Variants in F13A1 observed in about 807,000 individuals in gnomAD.
F13A1 encodes coagulation factor XIII A chain, also known as FSF, A subunit.
F13A1 carries 47 observed loss-of-function variants against 80.1 expected under a neutral mutation model. The observed-to-expected ratio is 0.59, with a 90% CI of 0.46 to 0.75. The LOEUF (loss-of-function observed/expected upper bound fraction) is 0.75, where lower values mean the gene tolerates loss of function less well. Among genes scored for constraint, F13A1 ranks in the 30% least tolerant of loss-of-function variants. F13A1 has a pLI of 0.00. For missense variants in F13A1, 817 were observed against 930.4 expected (o/e 0.88, Z 1.59); for synonymous variants, 349 against 344.9 (o/e 1.01, Z -0.13).
chr6:6,312,507 T>TA (rs533732244), intron 2 of F13A1, among the ~76,000 whole-genome samples: 3,818 of 43,130 alleles, frequency 0.089, 1,409 homozygotes, highest in South Asian at 0.2. Flanking sequence ...CAGTCTCTAC[T>TA]AAAAAAAAAA....
intron 8 of F13A1, among the ~76,000 whole-genome samples, chr6:6,210,347 A>ATATATATATATATATATATATATATATC (rs1480582670): frequency 7.4e-6 from 1 of 134,326 alleles, no homozygotes; most frequent in Non-Finnish European, 1.6e-5. Flanking sequence ...ATATATATAT[A>ATATATATATATATATATATATATATATC]TTTCTTTTTT....
intron 12 of F13A1, among the ~76,000 whole-genome samples, chr6:6,173,976 G>C (rs1760827463): frequency 6.6e-6 from 1 of 152,186 alleles, no homozygotes; most frequent in Non-Finnish European, 1.5e-5. Context: ...TGCTGATGCA[G>C]CTGGCTCATG....
At chr6:6,194,557 G>T (rs1446930331) in intron 10 of F13A1, among the ~76,000 whole-genome samples, 1 of 152,134 alleles carries the variant, frequency 6.6e-6, no homozygotes, top group Non-Finnish European at 1.5e-5. Flanking sequence ...CCTAGATGGT[G>T]TCTTGTGGTC....
intron 11 of F13A1, among the ~76,000 whole-genome samples, chr6:6,175,491 C>T (rs1760867553): frequency 6.6e-6 from 1 of 152,188 alleles, no homozygotes. Flanking sequence ...CTTGCATCCC[C>T]CAGTCCCCAA....
chr6:6,149,377 T>C (rs1760334662), intron 14 of F13A1, among the ~76,000 whole-genome samples: 1 of 152,170 alleles, frequency 6.6e-6, no homozygotes, highest in Non-Finnish European at 1.5e-5. Context: ...AAAAGAGAGA[T>C]TGAGGACTGT....
At chr6:6,220,364 C>A (rs1317726981) in intron 8 of F13A1, among the ~76,000 whole-genome samples, 4 of 152,056 alleles carry the variant, frequency 2.6e-5, no homozygotes, top group Admixed American at 6.5e-5. Context: ...GGAGCAGGGA[C>A]CTGAATGAGG....
At chr6:6,171,902 C>T (rs138740464) in intron 12 of F13A1, among the ~76,000 whole-genome samples, 86 of 152,358 alleles carry the variant, frequency 5.6e-4, no homozygotes, top group African/African-American at 2.0e-3. Context: ...CTGACCTTCA[C>T]TCAGGTCTCT....
chr6:6,306,522 T>C (rs2113185951), intron 2 of F13A1, among the ~76,000 whole-genome samples: 1 of 152,364 alleles, frequency 6.6e-6, no homozygotes, highest in South Asian at 2.1e-4. Context: ...CTTCCTGCCC[T>C]TTTCCCCTTC....
chr6:6,317,727 A>G (rs3024323), intron 2 of F13A1, among the ~76,000 whole-genome samples: 43,522 of 152,040 alleles, frequency 0.29, 6,574 homozygotes, highest in Non-Finnish European at 0.32. Context: ...ATCCCCAGTG[A>G]AACCCAGCAC....
chr6:6,256,981 A>G (rs1757712015), intron 4 of F13A1, among the ~76,000 whole-genome samples: 1 of 152,182 alleles, frequency 6.6e-6, no homozygotes, highest in African/African-American at 2.4e-5. Flanking sequence ...GTTGTTTCTA[A>G]TCCTTTAGAA....
At chr6:6,231,319 GA>G (rs978330426) in intron 6 of F13A1, among the ~76,000 whole-genome samples, 1 of 151,944 alleles carries the variant, frequency 6.6e-6, no homozygotes, top group African/African-American at 2.4e-5. Context: ...ACATGTAGAA[GA>G]AAAAAATTCA....
chr6:6,248,402 C>T lies in F13A1; in HGVS notation c.708G>A (p.Leu236=). The change falls in exon 6 of 15, where the codon CTG becomes CTA. Residue 236 remains leucine, a synonymous_variant. Coordinates refer to ENST00000264870, the MANE Select transcript of F13A1 (RefSeq NM_000129.4). ...TGTCCATCACATACAGGCAAGTGTCCAGGATGCCATCTTCAAACTATTTGG... is the reference window on the plus strand; with the variant it reads ...TGTCCATCACATACAGGCAAGTGTCTAGGATGCCATCTTCAAACTATTTGG... ...WSYGQFEDGI[L]DTCLYVMDRA... is the part of the protein sequence containing the mutation. 1 of 1,613,630 alleles carries T rather than the reference C, an allele frequency of 6.2e-7. No homozygotes were observed. The highest frequency in any genetic ancestry group is 8.5e-7 in the Non-Finnish European group (1 of 1,179,764).
intron 10 of F13A1, among the ~76,000 whole-genome samples, chr6:6,194,748 C>T (rs578113007): frequency 3.9e-5 from 6 of 152,202 alleles, no homozygotes; most frequent in African/African-American, 1.4e-4. Context: ...CCTTAGAATT[C>T]CCCCCAGTAC....
rs146374237 is a variant in F13A1, at chr6:6,221,602, A to G, written c.1112+431T>C. ...TAACATCCACCTGATACAACTAAAA[A>G]GAACTGGATAAGATCATGCATACAC... On this transcript the variant is annotated intron_variant, in intron 8 of 14. Coordinates refer to ENST00000264870, the MANE Select transcript of F13A1 (RefSeq NM_000129.4). Among the ~76,000 whole-genome samples, 1,127 of 152,322 alleles carry G rather than the reference A, an allele frequency of 7.4e-3. 6 individuals are homozygous for G. The highest frequency in any genetic ancestry group is 0.041 in the Middle Eastern group (12 of 294).
intron 14 of F13A1, among the ~76,000 whole-genome samples, chr6:6,151,454 G>C (rs570400478): frequency 2.0e-5 from 3 of 152,142 alleles, no homozygotes; most frequent in African/African-American, 4.8e-5. Context: ...ACAGCAAAGT[G>C]GTTCAAACTT....
intron 3 of F13A1, among the ~76,000 whole-genome samples, chr6:6,301,325 C>T (rs914179245): frequency 2.6e-5 from 4 of 152,170 alleles, no homozygotes; most frequent in African/African-American, 9.7e-5. Context: ...CTTCCACGCC[C>T]CTCGAAGTGT....
At chr6:6,317,847 C>T (rs1452720149) in intron 2 of F13A1, among the ~76,000 whole-genome samples, 1 of 152,216 alleles carries the variant, frequency 6.6e-6, no homozygotes, top group African/African-American at 2.4e-5. Context: ...CCTGCCATGG[C>T]CCAGGGGAAT....
At chr6:6,259,667 G>A (rs368333467) in intron 4 of F13A1, among the ~76,000 whole-genome samples, 86 of 152,234 alleles carry the variant, frequency 5.6e-4, no homozygotes, top group African/African-American at 1.7e-3. Flanking sequence ...GTAATGACAG[G>A]GTGCGGCGAA....
intron 3 of F13A1, among the ~76,000 whole-genome samples, chr6:6,283,419 A>C (rs2113146028): frequency 6.6e-6 from 1 of 152,282 alleles, no homozygotes; most frequent in South Asian, 2.1e-4. Context: ...TATCAGTGTT[A>C]ATTTCCTTAT....
Sources: gnomAD v4.1 joint callset for allele counts (sites outside exome capture counted in the v4.1 genomes callset) on GRCh38, gnomAD v4.1.1 for gene constraint, MANE v1.5 for transcripts, NCBI Gene and HGNC (gene_info 2026-07-23, HGNC 2026-07-21) for gene names.